CHI3L2: variants seen among roughly 807,000 people sequenced by gnomAD.
CHI3L2 encodes chitinase-3-like protein 2.
In CHI3L2, 47 loss-of-function variants were observed where a neutral mutation model predicts 47.3. The ratio of observed to expected loss-of-function variants is 0.99; its 90% CI spans 0.79 to 1.27. The LOEUF is 1.27. Ranked by LOEUF, CHI3L2 falls within the 50% of genes most tolerant of loss-of-function variation. The pLI, the probability that CHI3L2 is intolerant of heterozygous loss-of-function variation, is 0.00. For synonymous variants in CHI3L2, 198 were observed against 169.9 expected, an observed-to-expected ratio of 1.17 and a Z score of -1.28; for missense variants, 497 against 462.1, an observed-to-expected ratio of 1.08 and a Z score of -0.69.
rs773418877 is a variant in CHI3L2, at chr1:111,230,954, TG to T, written c.272+16del. 6 of 1,609,774 alleles carry T rather than the reference TG, an allele frequency of 3.7e-6. No homozygotes were observed. In the African/African-American group the frequency reaches 8.0e-5, roughly 22 times the overall value. On this transcript the variant is annotated intron_variant, in intron 3 of 10. Coordinates refer to ENST00000369748, the MANE Select transcript of CHI3L2 (RefSeq NM_004000.3). The stretch of plus-strand genomic sequence containing the variant: ...CAGTCTCAAAACCAAGTGAGTAAGA[TG>T]GGGGTGGAAGCATCCTGCATGGATT...
chr1:111,242,831 G>A (rs1007869396), intron 10 of CHI3L2, among the ~76,000 whole-genome samples: 4 of 152,152 alleles, frequency 2.6e-5, no homozygotes, highest in African/African-American at 9.7e-5. Flanking sequence ...GAGCTCCCAT[G>A]GTCATTATTG....
At chr1:111,229,621 G>C (rs1659638208) in intron 1 of CHI3L2, 1 of 455,074 alleles carries the variant, frequency 2.2e-6, no homozygotes, top group African/African-American at 2.4e-5. Context: ...GGCGGAGCTT[G>C]CAGTGAGCCG....
At chr1:111,238,553 T>C (rs1659950023) in intron 7 of CHI3L2, among the ~76,000 whole-genome samples, 197 bp from the exon 8 acceptor site, 1 of 152,248 alleles carries the variant, frequency 6.6e-6, no homozygotes, top group Non-Finnish European at 1.5e-5. Context: ...TTAGAAAAAG[T>C]TGCATAAGCC....
In CHI3L2 at chr1:111,236,095, A is replaced by G. The variant is rs772639832; in HGVS notation, c.677A>G (p.His226Arg). ...GSWEKPLITG[H>R]NSPLSKGWQD... Reference sequence around the variant, plus strand: ...TGGGAAAAGCCCCTTATCACTGGCCACAACAGCCCTCTGAGCAAGGGGTGG... The same window carrying G: ...TGGGAAAAGCCCCTTATCACTGGCCGCAACAGCCCTCTGAGCAAGGGGTGG... The change falls in exon 7 of 11, where the codon CAC (histidine) becomes CGC (arginine). Residue 226 changes from histidine to arginine, a missense_variant. Transcript: ENST00000369748. 14 of 1,614,100 alleles carry G rather than the reference A, an allele frequency of 8.7e-6. No homozygotes were observed. In the South Asian group the frequency reaches 1.1e-4, roughly 13 times the overall value.
At chr1:111,228,264 G>T (rs924621824) in intron 1 of CHI3L2, among the ~76,000 whole-genome samples, 11 of 152,214 alleles carry the variant, frequency 7.2e-5, no homozygotes, top group Non-Finnish European at 1.6e-4. Flanking sequence ...CTGGGAATTG[G>T]GATGAGAGTG....
intron 4 of CHI3L2, among the ~76,000 whole-genome samples, chr1:111,232,629 G>A (rs1659757115): frequency 6.6e-6 from 1 of 152,174 alleles, no homozygotes; most frequent in African/African-American, 2.4e-5. Flanking sequence ...TGCAATAAGG[G>A]CTCAATGGTT....
Position 111,235,067 on chromosome 1 carries a change from G to A in CHI3L2, c.480+10G>A. ...CACTGTGCTGATTCATGTAAGTCAT[G>A]AATCAAGTAATTCATGTGAGTCAGA... On this transcript the variant is annotated intron_variant, in intron 5 of 10. Coordinates refer to ENST00000369748, the MANE Select transcript of CHI3L2 (RefSeq NM_004000.3). 1 of 1,613,092 alleles carries A rather than the reference G, an allele frequency of 6.2e-7. No homozygotes were observed. The highest frequency in any genetic ancestry group is 8.5e-7 in the Non-Finnish European group (1 of 1,179,842).
At chr1:111,231,425 T>C (rs1659719445) in intron 4 of CHI3L2, 131 bp downstream of exon 4, 4 of 669,884 alleles carry the variant, frequency 6.0e-6, no homozygotes, top group African/African-American at 5.5e-5. Flanking sequence ...GCAAAACTGA[T>C]CTGAGATTTG....
At chr1:111,228,625 A>G (rs1467150280) in intron 1 of CHI3L2, among the ~76,000 whole-genome samples, 1 of 152,214 alleles carries the variant, frequency 6.6e-6, no homozygotes, top group African/African-American at 2.4e-5. Context: ...CCCTGCCTAA[A>G]AAAACATGTG....
rs374775833 is a variant in CHI3L2, at chr1:111,227,741, C to T, written c.12C>T (p.Thr4=). ...AGCTGGCCAAGGATATGGGAGCAAC[C>T]ACCATGGACCAGAAGTCTCTCTGGG... The part of the protein sequence containing the change: MGA[T]TMDQKSLWAG... The change falls in exon 1 of 11, where the codon ACC becomes ACT. Residue 4 remains threonine, a synonymous_variant. Transcript: ENST00000369748. 53 of 1,614,046 alleles carry T rather than the reference C, an allele frequency of 3.3e-5. No homozygotes were observed. In the African/African-American group the frequency reaches 5.7e-4, roughly 17 times the overall value.
intron 7 of CHI3L2, 152 bp downstream of exon 7, chr1:111,236,305 G>C (rs1659887411): frequency 3.9e-6 from 3 of 777,326 alleles, no homozygotes; most frequent in Non-Finnish European, 6.1e-6. Flanking sequence ...GAGTGCAGGA[G>C]AAGTGCTTTG....
chr1:111,233,634 G>A (rs1408792691), intron 4 of CHI3L2, among the ~76,000 whole-genome samples: 4 of 151,764 alleles, frequency 2.6e-5, no homozygotes, highest in South Asian at 2.1e-4. Context: ...CTGCCCGGCC[G>A]CCCCTACTGG....
At chr1:111,229,944 TAC>T (rs1395199871) in intron 2 of CHI3L2, 63 bp downstream of exon 2, 13 of 1,581,968 alleles carry the variant, frequency 8.2e-6, no homozygotes, top group Middle Eastern at 1.7e-4. Flanking sequence ...ATTTTTGATG[TAC>T]AGTTTCTTTT....
chr1:111,236,179 G>T (rs1234395624), intron 7 of CHI3L2, 26 bp downstream of exon 7: 1 of 1,612,706 alleles, frequency 6.2e-7, no homozygotes, highest in South Asian at 1.1e-5. Context: ...GAACCGCAGG[G>T]GTACTGGCTG....
intron 1 of CHI3L2, 110 bp from the exon 2 acceptor site, chr1:111,229,742 A>AGTGT: frequency 6.8e-7 from 1 of 1,470,722 alleles, no homozygotes; most frequent in Non-Finnish European, 9.1e-7. Flanking sequence ...GCCCAGATGA[A>AGTGT]GTGTGGCTCT....
chr1:111,236,929 G>A (rs919876496), intron 7 of CHI3L2, among the ~76,000 whole-genome samples: 1 of 152,154 alleles, frequency 6.6e-6, no homozygotes, highest in African/African-American at 2.4e-5. Context: ...AAATCATAAG[G>A]GTTCAAAGTG....
At chr1:111,230,034 A>G (rs1398454359) in intron 2 of CHI3L2, among the ~76,000 whole-genome samples, 153 bp downstream of exon 2, 1 of 151,784 alleles carries the variant, frequency 6.6e-6, no homozygotes, top group African/African-American at 2.4e-5. Flanking sequence ...TTTTTATTCT[A>G]TCTTTTTGTG....
At chr1:111,228,619 G>C (rs1659598609) in intron 1 of CHI3L2, among the ~76,000 whole-genome samples, 1 of 152,158 alleles carries the variant, frequency 6.6e-6, no homozygotes, top group African/African-American at 2.4e-5. Context: ...TAACCTCCCT[G>C]CCTAAAAAAA....
intron 5 of CHI3L2, 84 bp downstream of exon 5, chr1:111,235,141 G>A: frequency 7.0e-7 from 1 of 1,428,394 alleles, no homozygotes; most frequent in South Asian, 1.3e-5. Context: ...TGGCCACATT[G>A]GGAGACAAAA....
Sources: gnomAD v4.1 joint callset for allele counts (sites outside exome capture counted in the v4.1 genomes callset) on GRCh38, gnomAD v4.1.1 for gene constraint, MANE v1.5 for transcripts, NCBI Gene and HGNC (gene_info 2026-07-23, HGNC 2026-07-21) for gene names.